The following CNTNAP2 variants were observed in gnomAD, a reference collection of about 807,000 sequenced individuals.
CNTNAP2 encodes contactin-associated protein-like 2.
Under a neutral mutation model 155.2 loss-of-function variants are expected in CNTNAP2, and 98 were observed. The ratio of observed to expected loss-of-function variants is 0.63; its 90% CI spans 0.54 to 0.75. The LOEUF is 0.75. Among genes scored for constraint, CNTNAP2 ranks in the 30% least tolerant of loss-of-function variants. The probability of loss-of-function intolerance (pLI) is 0.00; values close to 1 mark genes in which losing one functional copy is unlikely to be tolerated. For missense variants in CNTNAP2, 1,727 were observed against 1,688.1 expected, an observed-to-expected ratio of 1.02 and a Z score of -0.40; for synonymous variants, 651 against 631.2, an observed-to-expected ratio of 1.03 and a Z score of -0.47.
At chr7:147,148,466 T>C (rs1161856400) in intron 8 of CNTNAP2, among the ~76,000 whole-genome samples, 1 of 151,878 alleles carries the variant, frequency 6.6e-6, no homozygotes, top group Non-Finnish European at 1.5e-5. Flanking sequence ...CACGCTTGGA[T>C]AGGAAAAACC....
At chr7:146,563,892 A>G (rs563768852) in intron 1 of CNTNAP2, among the ~76,000 whole-genome samples, 2 of 152,156 alleles carry the variant, frequency 1.3e-5, no homozygotes, top group Admixed American at 6.5e-5. Context: ...TAATTCATTC[A>G]GAGATGTTTG....
chr7:146,635,785 C>T (rs1026337416), intron 1 of CNTNAP2, among the ~76,000 whole-genome samples: 1 of 147,994 alleles, frequency 6.8e-6, no homozygotes, highest in Admixed American at 6.8e-5. Flanking sequence ...TTGTTCTCAT[C>T]CAGGTGCCAG....
chr7:147,538,624 T>G (rs1219955860), intron 11 of CNTNAP2, among the ~76,000 whole-genome samples: 2 of 152,092 alleles, frequency 1.3e-5, no homozygotes, highest in African/African-American at 4.8e-5. Context: ...TACTCCAGCC[T>G]GGGAAACAGA....
intron 13 of CNTNAP2, among the ~76,000 whole-genome samples, chr7:147,765,490 G>A (rs1433363545): frequency 2.0e-5 from 3 of 152,192 alleles, no homozygotes; most frequent in African/African-American, 4.8e-5. Context: ...AGCACTCAGT[G>A]TCATGAGTCA....
intron 16 of CNTNAP2, among the ~76,000 whole-genome samples, chr7:148,130,434 A>G (rs912929506): frequency 6.6e-6 from 1 of 152,154 alleles, no homozygotes. Context: ...CTGGATTCAG[A>G]CAGGCTCATA....
intron 12 of CNTNAP2, among the ~76,000 whole-genome samples, chr7:147,576,388 C>A (rs6975276): frequency 0.69 from 105,309 of 152,006 alleles, 37,132 homozygotes; most frequent in African/African-American, 0.82. Flanking sequence ...AAAATCATTC[C>A]CACAATCTGT....
chr7:147,243,436 T>A (rs563570919), intron 8 of CNTNAP2, among the ~76,000 whole-genome samples: 31 of 152,268 alleles, frequency 2.0e-4, no homozygotes, highest in Admixed American at 1.7e-3. Context: ...TCCTCCCCCA[T>A]CATTCCCAAT....
intron 11 of CNTNAP2, among the ~76,000 whole-genome samples, chr7:147,501,590 G>A (rs867201056): frequency 2.0e-5 from 3 of 152,158 alleles, no homozygotes; most frequent in African/African-American, 7.2e-5. Flanking sequence ...CTAGCAATAT[G>A]TGGTTCATGA....
At chr7:147,112,296 G>A (rs917722565) in intron 5 of CNTNAP2, among the ~76,000 whole-genome samples, 4 of 152,196 alleles carry the variant, frequency 2.6e-5, no homozygotes, top group East Asian at 3.9e-4. Flanking sequence ...AGGTTTCCTA[G>A]TTACAGGATC....
chr7:148,145,699 C>A (rs937619568), intron 16 of CNTNAP2, among the ~76,000 whole-genome samples: 1 of 152,162 alleles, frequency 6.6e-6, no homozygotes, highest in African/African-American at 2.4e-5. Flanking sequence ...TCCTCATCTG[C>A]TGTATCAGAA....
At chr7:146,978,889 A>G (rs1797961948) in intron 3 of CNTNAP2, among the ~76,000 whole-genome samples, 1 of 152,136 alleles carries the variant, frequency 6.6e-6, no homozygotes, top group African/African-American at 2.4e-5. Context: ...CTGTAGTATT[A>G]AAGCAAGAGT....
At chr7:146,491,170 T>C (rs1797133855) in intron 1 of CNTNAP2, among the ~76,000 whole-genome samples, 1 of 152,164 alleles carries the variant, frequency 6.6e-6, no homozygotes, top group African/African-American at 2.4e-5. Flanking sequence ...AAATAAAGTT[T>C]CCATGTACAA....
rs367875682 is a variant in CNTNAP2 at position 146,948,514 on chromosome 7, A to T, written c.403-95393A>T. Among the ~76,000 whole-genome samples the T allele has an allele frequency of 5.3e-5, 8 of 152,300 alleles. 1 individual carries two copies. Among genetic ancestry groups the T allele is most frequent in the South Asian group, 2.1e-4 (1 of 4,830 alleles). The stretch of plus-strand genomic sequence containing the variant: ...AATTAATGTTAGTCTGACAAAAAAA[A>T]TAGCCTTCATTTAGGGCCTAATCAG... On this transcript the variant is annotated intron_variant, in intron 3 of 23. Transcript: ENST00000361727.
chr7:146,253,378 G>C (rs1218541613), intron 1 of CNTNAP2, among the ~76,000 whole-genome samples: 1 of 152,206 alleles, frequency 6.6e-6, no homozygotes, highest in Non-Finnish European at 1.5e-5. Flanking sequence ...AGGTAGATAA[G>C]TTGTCTCCTG....
chr7:146,809,354 T>C (rs1310590872), intron 2 of CNTNAP2, among the ~76,000 whole-genome samples: 1 of 151,380 alleles, frequency 6.6e-6, no homozygotes, highest in Non-Finnish European at 1.5e-5. Context: ...ATTTGGTTTT[T>C]CATTTGTTTG....
At chr7:146,968,025 G>A (rs1797694968) in intron 3 of CNTNAP2, among the ~76,000 whole-genome samples, 1 of 143,138 alleles carries the variant, frequency 7.0e-6, no homozygotes, top group Non-Finnish European at 1.6e-5. Context: ...ATGAAGCGGT[G>A]TTGAATTTTG....
chr7:147,488,073 A>G (rs1376673433), intron 11 of CNTNAP2, among the ~76,000 whole-genome samples: 2 of 152,144 alleles, frequency 1.3e-5, no homozygotes, highest in African/African-American at 2.4e-5. Flanking sequence ...CGAAAAATAT[A>G]CATTGTAGCT....
chr7:147,685,756 A>T (rs1305284860), intron 13 of CNTNAP2, among the ~76,000 whole-genome samples: 1 of 152,042 alleles, frequency 6.6e-6, no homozygotes, highest in Non-Finnish European at 1.5e-5. Flanking sequence ...TAAAGCAAGA[A>T]AAAGGAATAG....
intron 13 of CNTNAP2, among the ~76,000 whole-genome samples, chr7:147,660,261 A>C (rs534754813): frequency 6.6e-6 from 1 of 152,296 alleles, no homozygotes; most frequent in South Asian, 2.1e-4. Flanking sequence ...TTTTCCTTTC[A>C]ATGTAGAACC....
Sources: gnomAD v4.1 joint callset for allele counts (sites outside exome capture counted in the v4.1 genomes callset) on GRCh38, gnomAD v4.1.1 for gene constraint, MANE v1.5 for transcripts, NCBI Gene and HGNC (gene_info 2026-07-23, HGNC 2026-07-21) for gene names.